Variants in MACROD2 observed in about 807,000 individuals in gnomAD.
The protein encoded by MACROD2 is mono-ADP ribosylhydrolase 2.
MACROD2 carries 36 observed loss-of-function variants against 70.4 expected under a neutral mutation model. The observed-to-expected ratio is 0.51, with a 90% CI of 0.39 to 0.68. The LOEUF is 0.68. Ranked by LOEUF, MACROD2 falls within the 30% of genes least tolerant of loss-of-function variation. The pLI, the probability that MACROD2 is intolerant of heterozygous loss-of-function variation, is 0.00. For synonymous variants in MACROD2, 172 were observed against 178.8 expected (o/e 0.96, Z 0.30); for missense variants, 496 against 538.4 (o/e 0.92, Z 0.78).
intron 8 of MACROD2, among the ~76,000 whole-genome samples, chr20:15,831,947 T>C (rs2064060720): frequency 6.6e-6 from 1 of 152,168 alleles, no homozygotes. Flanking sequence ...TCACAGAAAA[T>C]GTTATCTAAA....
chr20:15,501,860 A>T (rs2047369060), intron 8 of MACROD2, among the ~76,000 whole-genome samples: 1 of 152,214 alleles, frequency 6.6e-6, no homozygotes, highest in Admixed American at 6.5e-5. Flanking sequence ...CTCTGTTAAA[A>T]CAAACAACAG....
chr20:16,006,224 G>A (rs1408739311), intron 15 of MACROD2, among the ~76,000 whole-genome samples: 1 of 151,984 alleles, frequency 6.6e-6, no homozygotes. Context: ...TGAGTAGGTG[G>A]GATATTTAAG....
intron 7 of MACROD2, among the ~76,000 whole-genome samples, chr20:15,439,080 A>T (rs2046462865): frequency 6.6e-6 from 1 of 152,200 alleles, no homozygotes; most frequent in African/African-American, 2.4e-5. Context: ...GAGCCAAACT[A>T]AATACAGCAT....
At chr20:15,308,468 A>T (rs1015688610) in intron 6 of MACROD2, among the ~76,000 whole-genome samples, 1 of 152,208 alleles carries the variant, frequency 6.6e-6, no homozygotes, top group Non-Finnish European at 1.5e-5. Context: ...GATTAAGAGT[A>T]AATATATAAG....
intron 2 of MACROD2, among the ~76,000 whole-genome samples, chr20:14,064,999 A>G (rs974752834): frequency 5.3e-5 from 8 of 152,236 alleles, no homozygotes; most frequent in East Asian, 1.9e-4. Flanking sequence ...TTTACATACA[A>G]TCTGAATCAC....
chr20:15,069,013 C>A (rs2075599011), intron 5 of MACROD2, among the ~76,000 whole-genome samples: 1 of 152,066 alleles, frequency 6.6e-6, no homozygotes, highest in Non-Finnish European at 1.5e-5. Context: ...CAGTGAAGGC[C>A]AGGCTGACTC....
intron 8 of MACROD2, among the ~76,000 whole-genome samples, chr20:15,805,016 C>A (rs75752007): frequency 0.071 from 10,739 of 152,258 alleles, 535 homozygotes; most frequent in Middle Eastern, 0.16. Flanking sequence ...TGGTTACGTG[C>A]TGAACAATGC....
At chr20:15,140,964 T>C (rs138935292) in intron 5 of MACROD2, among the ~76,000 whole-genome samples, 247 of 152,336 alleles carry the variant, frequency 1.6e-3, no homozygotes, top group Non-Finnish European at 2.6e-3. Context: ...TCCATGTAAA[T>C]CACTGTTCAC....
intron 8 of MACROD2, among the ~76,000 whole-genome samples, chr20:15,770,833 T>G (rs2051612085): frequency 6.6e-6 from 1 of 152,040 alleles, no homozygotes; most frequent in Admixed American, 6.5e-5. Context: ...CACACCCTCC[T>G]CCTGGCAAAC....
intron 3 of MACROD2, among the ~76,000 whole-genome samples, chr20:14,129,108 T>A (rs1250848365): frequency 6.6e-6 from 1 of 152,230 alleles, no homozygotes; most frequent in Non-Finnish European, 1.5e-5. Context: ...TTGCCATAGA[T>A]AGTGTTTCCT....
intron 4 of MACROD2, among the ~76,000 whole-genome samples, chr20:14,607,460 GT>G (rs1487526034): frequency 6.6e-6 from 1 of 152,174 alleles, no homozygotes; most frequent in Non-Finnish European, 1.5e-5. Context: ...CAGAAAGGCA[GT>G]TATGTCTCAA....
rs79607664 is a variant in MACROD2, at chr20:15,167,796, C to T, written c.419-62144C>T. ...TCTGACAACCTGATGTTCTTTAAAC[C>T]GTGAGTAGAGATATTGAAGTAAATG... On this transcript the variant is annotated intron_variant, in intron 5 of 17. Transcript: ENST00000684519. 6.2e-4 allele frequency among the ~76,000 whole-genome samples: 94 copies of T among 152,158 alleles called. 1 individual carries two copies. In the East Asian group the frequency reaches 0.017, roughly 28 times the overall value.
intron 6 of MACROD2, among the ~76,000 whole-genome samples, chr20:15,250,123 CTTTG>C (rs932930488): frequency 1.3e-5 from 2 of 152,214 alleles, no homozygotes; most frequent in African/African-American, 2.4e-5. Flanking sequence ...GTCATCATGC[CTTTG>C]TTTGTGATAG....
chr20:15,877,423 C>A (rs1308073871), intron 9 of MACROD2, among the ~76,000 whole-genome samples: 1 of 151,918 alleles, frequency 6.6e-6, no homozygotes, highest in Non-Finnish European at 1.5e-5. Context: ...CTCATTTTGG[C>A]CAAGGATCAG....
chr20:15,389,829 A>G (rs1020633213), intron 6 of MACROD2, among the ~76,000 whole-genome samples: 1 of 152,204 alleles, frequency 6.6e-6, no homozygotes, highest in African/African-American at 2.4e-5. Flanking sequence ...CAATAATATA[A>G]CTGTTCCTTC....
chr20:14,772,869 A>G (rs2072187153), intron 5 of MACROD2, among the ~76,000 whole-genome samples: 1 of 152,080 alleles, frequency 6.6e-6, no homozygotes, highest in Non-Finnish European at 1.5e-5. Flanking sequence ...AAAACTGACT[A>G]AAAAGTGGCT....
In MACROD2 at chr20:15,731,704, G is replaced by A. The variant is rs796712638; in HGVS notation, c.646-131041G>A. ...CATTGCAGAGAGGTGCACATGCGTC[G>A]CCTGGGGCAGGATACTGGCAGAAAC... On this transcript the variant is annotated intron_variant, in intron 8 of 17. Coordinates refer to ENST00000684519, the MANE Select transcript of MACROD2 (RefSeq NM_001351661.2). Among the ~76,000 whole-genome samples the A allele has an allele frequency of 8.1e-4, 47 of 58,044 alleles. 16 individuals are homozygous for A. Among genetic ancestry groups the A allele is most frequent in the African/African-American group, 2.1e-3 (43 of 20,938 alleles). 38.1% of individuals were successfully genotyped at this position (58,044 alleles called of 152,430 possible). A position where few individuals can be genotyped will look rare whatever the true frequency, so the allele number is the denominator to read the frequency against.
chr20:15,753,448 C>A (rs1157203672), intron 8 of MACROD2, among the ~76,000 whole-genome samples: 1 of 152,194 alleles, frequency 6.6e-6, no homozygotes, highest in Non-Finnish European at 1.5e-5. Flanking sequence ...TACAAGATTT[C>A]ATTCTTTTTA....
intron 8 of MACROD2, among the ~76,000 whole-genome samples, chr20:15,681,789 G>A (rs1208644701): frequency 6.6e-6 from 1 of 152,184 alleles, no homozygotes; most frequent in Non-Finnish European, 1.5e-5. Context: ...TACATGAGGT[G>A]TGTAATGGAA....
Sources: allele counts gnomAD v4.1 joint callset (sites outside exome capture counted in the v4.1 genomes callset), GRCh38; gene constraint gnomAD v4.1.1; transcripts MANE v1.5; gene names NCBI Gene and HGNC (gene_info 2026-07-23, HGNC 2026-07-21).